Variants in DOCK6 observed in about 807,000 individuals in gnomAD.
DOCK6 encodes dedicator of cytokinesis protein 6.
A neutral mutation model predicts 230.3 loss-of-function variants in DOCK6; 167 were observed. That is an observed-to-expected ratio of 0.73 (90% CI 0.64 to 0.82). The LOEUF is 0.82. Ranked by LOEUF, DOCK6 falls within the 40% of genes least tolerant of loss-of-function variation. The pLI is 0.00. For synonymous variants in DOCK6, 1,148 were observed against 1,185.0 expected (o/e 0.97, Z 0.64); for missense variants, 2,598 against 2,825.8 (o/e 0.92, Z 1.83).
intron 31 of DOCK6, 107 bp from the exon 32 acceptor site, chr19:11,215,578 G>C (rs2079471506): frequency 4.5e-6 from 6 of 1,323,634 alleles, no homozygotes; most frequent in Middle Eastern, 3.6e-4. Context: ...TGACCCATGA[G>C]GGCACTGGGT....
chr19:11,200,158 A>AC lies in DOCK6; in HGVS notation c.6101+149_6101+150insG. The AC allele has an allele frequency of 7.2e-6, 6 of 832,462 alleles. No homozygotes were observed. Among genetic ancestry groups the AC allele is most frequent in the South Asian group, 2.4e-5 (1 of 40,840 alleles). 51.6% of individuals were successfully genotyped at this position (832,462 alleles called of 1,614,324 possible). On this transcript the variant is annotated intron_variant, in intron 47 of 47. Transcript: ENST00000294618. The surrounding 1 kb of genome is among the most constrained non-coding windows in gnomAD (Gnocchi z 4.3). ...AGAGGGAGAGTCTCTCAAAAAAAAAAACAAAAAAAAAACCGGAAACAAAAC... is the reference window on the plus strand; with the variant it reads ...AGAGGGAGAGTCTCTCAAAAAAAAAACACAAAAAAAAAACCGGAAACAAAAC...
chr19:11,241,271 A>C (rs2079939768), intron 14 of DOCK6, among the ~76,000 whole-genome samples: 1 of 151,234 alleles, frequency 6.6e-6, no homozygotes, highest in Non-Finnish European at 1.5e-5. Context: ...GATGTTCATC[A>C]CCTCCCCATG....
intron 21 of DOCK6, among the ~76,000 whole-genome samples, chr19:11,234,596 C>T (rs2079818222): frequency 6.6e-6 from 1 of 151,682 alleles, no homozygotes; most frequent in Non-Finnish European, 1.5e-5. Context: ...ATTACCAGTG[C>T]CCCCATGAGG....
chr19:11,215,047 A>G (rs1323537108), intron 32 of DOCK6, among the ~76,000 whole-genome samples: 1 of 149,950 alleles, frequency 6.7e-6, no homozygotes, highest in Non-Finnish European at 1.5e-5. Flanking sequence ...GGTTCACACC[A>G]TTCTCCTGCC....
chr19:11,241,666 C>G (rs1357020518), intron 14 of DOCK6: 4 of 1,581,628 alleles, frequency 2.5e-6, no homozygotes, highest in Non-Finnish European at 3.4e-6. Flanking sequence ...CCAGACTCCA[C>G]ACAGCGGCGC....
Position 11,208,769 on chromosome 19 carries a change from C to T in DOCK6, c.5005G>A (p.Glu1669Lys), listed in dbSNP as rs368777534. The T allele has an allele frequency of 1.9e-5, 31 of 1,613,764 alleles. No individual in the cohort carries two copies. Among genetic ancestry groups the T allele is most frequent in the East Asian group, 4.5e-5 (2 of 44,876 alleles). Residue 1669 changes from glutamate (E) to lysine (K), a missense_variant, in exon 39 of 48, where the codon GAG (glutamate) becomes AAG (lysine). Coordinates refer to ENST00000294618, the MANE Select transcript of DOCK6 (RefSeq NM_020812.4). Reference sequence around the variant, plus strand: ...TGCTTCCCGGAGCAGAAGCCCTCCTCGTCGGGCGACAGGATGTCGTCGGAG... The same window carrying T: ...TGCTTCCCGGAGCAGAAGCCCTCCTTGTCGGGCGACAGGATGTCGTCGGAG... Reference protein sequence around the residue: ...AISDDILSPDEEGFCSGKHFT... With the variant: ...AISDDILSPDKEGFCSGKHFT...
chr19:11,213,370 C>A, intron 34 of DOCK6, 42 bp from the exon 35 acceptor site: 1 of 1,586,242 alleles, frequency 6.3e-7, no homozygotes, highest in East Asian at 2.3e-5. Context: ...AGCCCCTCCC[C>A]GTTCTGGCTC....
At position 11,260,882 on chromosome 19, in the gene DOCK6, C is replaced by CAAAAAAAAAA. The variant is rs59900669; in HGVS notation, c.44+1505_44+1514dup. On this transcript the variant is annotated intron_variant, in intron 1 of 47. Coordinates refer to ENST00000294618, the MANE Select transcript of DOCK6 (RefSeq NM_020812.4). The stretch of plus-strand genomic sequence containing the variant: ...TGGGTGACAGAGCGAGACTCTGTCT[C>CAAAAAAAAAA]AAAAAAAAAAAAAGAAAGAAAGAAA... Among the ~76,000 whole-genome samples, 35 of 61,766 alleles carry CAAAAAAAAAA rather than the reference C, an allele frequency of 5.7e-4. 2 individuals carry two copies. Among genetic ancestry groups the CAAAAAAAAAA allele is most frequent in the Admixed American group, 9.6e-4 (4 of 4,158 alleles). 40.5% of individuals were successfully genotyped at this position (61,766 alleles called of 152,430 possible).
At chr19:11,257,888 G>C (rs541306633) in intron 1 of DOCK6, among the ~76,000 whole-genome samples, 4 of 152,142 alleles carry the variant, frequency 2.6e-5, no homozygotes, top group Middle Eastern at 3.4e-3. Flanking sequence ...ATGAGGCCAG[G>C]AGTTCAAGAC....
At chr19:11,244,886 G>C (rs1459984491) in intron 9 of DOCK6, among the ~76,000 whole-genome samples, 2 of 152,184 alleles carry the variant, frequency 1.3e-5, no homozygotes, top group African/African-American at 2.4e-5. Flanking sequence ...GAGTCACTGT[G>C]CCTGGCCTTC....
intron 21 of DOCK6, among the ~76,000 whole-genome samples, chr19:11,234,085 C>T (rs1307511708): frequency 6.6e-6 from 1 of 152,034 alleles, no homozygotes; most frequent in Non-Finnish European, 1.5e-5. Flanking sequence ...CTGCAACCTC[C>T]ATCTCCTGGG....
chr19:11,261,843 C>G (rs2080294943), intron 1 of DOCK6, among the ~76,000 whole-genome samples: 1 of 84,978 alleles, frequency 1.2e-5, no homozygotes, highest in Admixed American at 1.3e-4. Context: ...TGTCCCCCTT[C>G]CCCCCCCCCG....
At chr19:11,241,987 C>A in intron 14 of DOCK6, 58 bp downstream of exon 14, 1 of 1,518,242 alleles carries the variant, frequency 6.6e-7, no homozygotes, top group Non-Finnish European at 8.8e-7. Context: ...AGACCCCACC[C>A]AGCATGATGT....
At chr19:11,215,065 C>T (rs1014942037) in intron 32 of DOCK6, among the ~76,000 whole-genome samples, 1 of 151,914 alleles carries the variant, frequency 6.6e-6, no homozygotes, top group Non-Finnish European at 1.5e-5. Context: ...GCCTCAGCCT[C>T]GCTAGTAGCT....
In DOCK6 at chr19:11,252,174, C is replaced by T. The variant is rs374746195; in HGVS notation, c.452G>A (p.Arg151His). ...AGAAGCATCCTGCTCAAAGACCTGGCGGGGGAGGCCCTTCTGTCGCTCCCG... is the reference window on the plus strand; with the variant it reads ...AGAAGCATCCTGCTCAAAGACCTGGTGGGGGAGGCCCTTCTGTCGCTCCCG... ...TQRERQKGLP[R>H]QVFEQDASGD... The change falls in exon 5 of 48, where the codon CGC becomes CAC. Residue 151 changes from arginine (R) to histidine (H), a missense_variant. Arg to His is a conservative substitution (Grantham distance 29). Coordinates refer to ENST00000294618, the MANE Select transcript of DOCK6 (RefSeq NM_020812.4). 32 of 1,584,348 alleles carry T rather than the reference C, an allele frequency of 2.0e-5. No homozygotes were observed. Among genetic ancestry groups the T allele is most frequent in the African/African-American group, 9.4e-5 (7 of 74,436 alleles).
At position 11,222,828 on chromosome 19, in the gene DOCK6, G is replaced by A; in HGVS notation, c.3147C>T (p.Cys1049=). The A allele has an allele frequency of 1.9e-6, 3 of 1,599,054 alleles. No homozygotes were observed. The highest frequency in any genetic ancestry group is 2.6e-6 in the Non-Finnish European group (3 of 1,173,266). The change falls in exon 26 of 48, where the codon TGC becomes TGT. Residue 1049 remains cysteine (C), a synonymous_variant. Transcript: ENST00000294618. The surrounding 1 kb of genome is among the most constrained non-coding windows in gnomAD (Gnocchi z 4.0). ...TLRMEFTRIL[C]SHEHYVTLNL... Reference sequence around the variant, plus strand: ...TGAGGGTCACGTAGTGCTCGTGGCTGCACAGGATGCGGGTGAATTCCATGC... The same window carrying A: ...TGAGGGTCACGTAGTGCTCGTGGCTACACAGGATGCGGGTGAATTCCATGC...
chr19:11,230,439 G>A lies in DOCK6; in HGVS notation c.2719-1404C>T, dbSNP rs903522611. On this transcript the variant is annotated intron_variant, in intron 22 of 47. Transcript: ENST00000294618. ...TGCAACCACAACAGGCAGGAGGAGT[G>A]TGGATGGAGTGGGACCGAGAACACA... 4.6e-5 allele frequency among the ~76,000 whole-genome samples: 7 copies of A among 152,362 alleles called. 1 individual carries two copies. The highest frequency in any genetic ancestry group is 4.6e-4 in the Admixed American group (7 of 15,300).
rs1332292032 is a variant in DOCK6, at chr19:11,237,788, A to T, written c.1833-9T>A. The T allele has an allele frequency of 3.2e-6, 5 of 1,562,184 alleles. No individual in the cohort carries two copies. In the South Asian group the frequency reaches 4.7e-5, roughly 15 times the overall value. On this transcript the variant is annotated splice_polypyrimidine_tract_variant and intron_variant, in intron 16 of 47. Transcript: ENST00000294618. Reference sequence around the variant, plus strand: ...CGTAGAACTCGGGGGACCTGGCAGAATCGGGCTGGGGGATCTGCTGGGGGC... The same window carrying T: ...CGTAGAACTCGGGGGACCTGGCAGATTCGGGCTGGGGGATCTGCTGGGGGC...
chr19:11,210,479 C>T (rs114646860), intron 37 of DOCK6, among the ~76,000 whole-genome samples: 15,085 of 145,082 alleles, frequency 0.1, 974 homozygotes, highest in East Asian at 0.24. Flanking sequence ...CCTGTCCACC[C>T]CCTCACCTGT....
Sources: gnomAD v4.1 joint callset for allele counts (sites outside exome capture counted in the v4.1 genomes callset) on GRCh38, gnomAD v4.1.1 for gene constraint, Gnocchi (gnomAD v3.1) non-coding constraint, MANE v1.5 for transcripts, NCBI Gene and HGNC (gene_info 2026-07-23, HGNC 2026-07-21) for gene names.